Variants in DOCK3 observed in about 807,000 individuals in gnomAD.
DOCK3 encodes dedicator of cytokinesis protein 3.
Under a neutral mutation model 265.6 loss-of-function variants are expected in DOCK3, and 60 were observed. That is an observed-to-expected ratio of 0.23 (90% CI 0.18 to 0.28). The LOEUF is 0.28. DOCK3 is among the 10% of genes least tolerant of loss of function. DOCK3 has a pLI of 1.00. For missense variants in DOCK3, 1,981 were observed against 2,594.3 expected, an observed-to-expected ratio of 0.76 and a Z score of 5.14; for synonymous variants, 881 against 938.0, an observed-to-expected ratio of 0.94 and a Z score of 1.11.
chr3:51,032,353 T>G (rs940496904), intron 5 of DOCK3, among the ~76,000 whole-genome samples: 7 of 152,184 alleles, frequency 4.6e-5, no homozygotes, highest in Non-Finnish European at 7.4e-5. Context: ...AATCCTAAAT[T>G]GATACACTAC....
At position 51,316,480 on chromosome 3, in the gene DOCK3, T is replaced by C. The variant is rs371312846; in HGVS notation, c.3402+1352T>C. 8.5e-5 allele frequency among the ~76,000 whole-genome samples: 13 copies of C among 152,342 alleles called. No homozygotes were observed. The East Asian group carries it at 1.5e-3, about 18-fold the overall frequency. ...GCTTTCATTTTTCTTGAGTGAATACTTAGGAATAGGATTGTTGGGCCTTGT... is the reference window on the plus strand; with the variant it reads ...GCTTTCATTTTTCTTGAGTGAATACCTAGGAATAGGATTGTTGGGCCTTGT... On this transcript the variant is annotated intron_variant, in intron 32 of 52. Transcript: ENST00000266037.
chr3:51,148,843 T>C (rs1384418853), intron 10 of DOCK3, among the ~76,000 whole-genome samples: 1 of 152,192 alleles, frequency 6.6e-6, no homozygotes, highest in Non-Finnish European at 1.5e-5. Context: ...TTTGGTTCCA[T>C]ATGAACTTTA....
In DOCK3 at chr3:51,293,139, A is replaced by G. The variant is rs1330675527; in HGVS notation, c.2922+12935A>G. Among the ~76,000 whole-genome samples, 2 of 152,302 alleles carry G rather than the reference A, an allele frequency of 1.3e-5. 1 individual carries two copies. The highest frequency in any genetic ancestry group is 3.9e-4 in the East Asian group (2 of 5,186). ...AGAAAAAAACAATCCTAAAATGTGTATGGAATAAAAAAAGACCCCAAATAG... is the reference window on the plus strand; with the variant it reads ...AGAAAAAAACAATCCTAAAATGTGTGTGGAATAAAAAAAGACCCCAAATAG... On this transcript the variant is annotated intron_variant, in intron 27 of 52. Coordinates refer to ENST00000266037, the MANE Select transcript of DOCK3 (RefSeq NM_004947.5).
chr3:51,350,522 A>G (rs1398949403), intron 40 of DOCK3, 130 bp downstream of exon 40: 5 of 1,002,362 alleles, frequency 5.0e-6, no homozygotes, highest in Non-Finnish European at 4.4e-6. Context: ...CCAGTTAACA[A>G]CAGGCATTTG....
intron 2 of DOCK3, among the ~76,000 whole-genome samples, chr3:50,806,850 A>C (rs2675792): frequency 6.6e-6 from 1 of 152,046 alleles, no homozygotes; most frequent in Admixed American, 6.5e-5. Context: ...GTGGGTTAGC[A>C]CACGTTGTGT....
intron 24 of DOCK3, among the ~76,000 whole-genome samples, chr3:51,272,843 CACA>C (rs2108898512): frequency 6.6e-6 from 1 of 152,098 alleles, no homozygotes; most frequent in African/African-American, 2.4e-5. Flanking sequence ...GGCCACTGTA[CACA>C]CTTGAGCTTT....
chr3:51,201,276 A>C (rs1415639598), intron 12 of DOCK3, among the ~76,000 whole-genome samples: 1 of 150,590 alleles, frequency 6.6e-6, no homozygotes, highest in African/African-American at 2.4e-5. Flanking sequence ...TATTCAGGAA[A>C]CCCATCTCAC....
intron 2 of DOCK3, among the ~76,000 whole-genome samples, chr3:50,817,166 T>C (rs1213915993): frequency 6.6e-6 from 1 of 152,216 alleles, no homozygotes; most frequent in Non-Finnish European, 1.5e-5. Context: ...ATGGCGTTTG[T>C]AAACTGTCAT....
At chr3:51,028,576 G>A (rs1045649953) in intron 5 of DOCK3, among the ~76,000 whole-genome samples, 1 of 151,976 alleles carries the variant, frequency 6.6e-6, no homozygotes, top group African/African-American at 2.4e-5. Context: ...GGGCTTGGTT[G>A]CTTTACATAA....
At chr3:50,960,153 A>G (rs540259404) in intron 5 of DOCK3, among the ~76,000 whole-genome samples, 25 of 152,338 alleles carry the variant, frequency 1.6e-4, no homozygotes, top group Admixed American at 3.3e-4. Context: ...TAATACTGCA[A>G]TGAACATTTG....
rs186231848 is a variant in DOCK3 at position 50,940,670 on chromosome 3, C to T, written c.315+6593C>T. On this transcript the variant is annotated intron_variant, in intron 5 of 52. Coordinates refer to ENST00000266037, the MANE Select transcript of DOCK3 (RefSeq NM_004947.5). ...GAATAATAAAGTTGGAAGAATCACT[C>T]GATCTAATTTTAACACTTACTGTAC... Among the ~76,000 whole-genome samples the T allele has an allele frequency of 9.2e-5, 14 of 152,152 alleles. 1 individual carries two copies. The highest frequency in any genetic ancestry group is 6.2e-4 in the South Asian group (3 of 4,812).
intron 4 of DOCK3, among the ~76,000 whole-genome samples, chr3:50,908,200 T>A (rs1344482253): frequency 1.3e-5 from 2 of 150,810 alleles, no homozygotes; most frequent in African/African-American, 4.9e-5. Context: ...TGAAGGGCTT[T>A]TTTTTTTTTT....
At chr3:51,141,978 T>G (rs1267036006) in intron 9 of DOCK3, among the ~76,000 whole-genome samples, 1 of 151,872 alleles carries the variant, frequency 6.6e-6, no homozygotes, top group African/African-American at 2.4e-5. Context: ...TTTTTTTTTT[T>G]TACTTTACTG....
At chr3:50,788,195 G>C in intron 2 of DOCK3, 2 of 750,842 alleles carry the variant, frequency 2.7e-6, no homozygotes, top group South Asian at 4.6e-5. Flanking sequence ...GATGGCACTT[G>C]CCCATGACGG....
At chr3:51,240,876 T>C (rs1258908847) in intron 21 of DOCK3, among the ~76,000 whole-genome samples, 2 of 152,218 alleles carry the variant, frequency 1.3e-5, no homozygotes, top group African/African-American at 4.8e-5. Context: ...GTCTTGGTTC[T>C]TTATCCAGCT....
At chr3:51,259,919 C>T (rs1260571609) in intron 22 of DOCK3, among the ~76,000 whole-genome samples, 2 of 152,118 alleles carry the variant, frequency 1.3e-5, no homozygotes, top group African/African-American at 4.8e-5. Flanking sequence ...CCTCAGAAAA[C>T]AGTTGTGAAA....
chr3:51,249,383 T>TC (rs2079050796), intron 22 of DOCK3, among the ~76,000 whole-genome samples: 1 of 75,934 alleles, frequency 1.3e-5, no homozygotes, highest in Non-Finnish European at 2.7e-5. Context: ...GTGGGGGGGT[T>TC]AGCCCCCCGC....
chr3:50,822,633 A>G (rs1286303498), intron 2 of DOCK3, among the ~76,000 whole-genome samples: 1 of 152,056 alleles, frequency 6.6e-6, no homozygotes, highest in African/African-American at 2.4e-5. Flanking sequence ...AATAGCTAGG[A>G]CTACAGGCAT....
At chr3:51,014,457 G>A (rs931618545) in intron 5 of DOCK3, among the ~76,000 whole-genome samples, 3 of 152,068 alleles carry the variant, frequency 2.0e-5, no homozygotes, top group African/African-American at 7.2e-5. Flanking sequence ...GAATCTGTTT[G>A]ATCATATTAT....
Sources: gnomAD v4.1 joint callset for allele counts (sites outside exome capture counted in the v4.1 genomes callset) on GRCh38, gnomAD v4.1.1 for gene constraint, MANE v1.5 for transcripts, NCBI Gene and HGNC (gene_info 2026-07-23, HGNC 2026-07-21) for gene names.